The following FGF14 variants were observed in gnomAD, a reference collection of about 807,000 sequenced individuals.
The protein encoded by FGF14 is fibroblast growth factor 14, also known as fibroblast growth factor homologous factor 4.
Under a neutral mutation model 25.5 loss-of-function variants are expected in FGF14, and 5 were observed. The ratio of observed to expected loss-of-function variants is 0.20; its 90% CI spans 0.10 to 0.41. FGF14 has a LOEUF of 0.41. FGF14 is among the 10% of genes least tolerant of loss of function. FGF14 has a pLI of 1.00. For missense variants in FGF14, 222 were observed against 320.1 expected (o/e 0.69, Z 2.34); for synonymous variants, 138 against 118.3 (o/e 1.17, Z -1.08).
chr13:102,160,993 T>C (rs879919361), intron 1 of FGF14, among the ~76,000 whole-genome samples: 2 of 152,088 alleles, frequency 1.3e-5, no homozygotes, highest in Non-Finnish European at 2.9e-5. Flanking sequence ...GCATTTCTGC[T>C]TAGAGGATAT....
chr13:102,243,286 C>T (rs963378798), intron 1 of FGF14, among the ~76,000 whole-genome samples: 5 of 152,092 alleles, frequency 3.3e-5, no homozygotes, highest in African/African-American at 1.2e-4. Context: ...CTTTTACCAT[C>T]ACAAATACAG....
chr13:102,078,008 A>G (rs932593306), intron 1 of FGF14, among the ~76,000 whole-genome samples: 2 of 152,182 alleles, frequency 1.3e-5, no homozygotes, highest in African/African-American at 4.8e-5. Flanking sequence ...CCTGGAAGAC[A>G]TTTATAGTAA....
At chr13:102,207,987 T>A (rs566931481) in intron 1 of FGF14, among the ~76,000 whole-genome samples, 9 of 152,248 alleles carry the variant, frequency 5.9e-5, no homozygotes, top group African/African-American at 2.2e-4. Flanking sequence ...AGGAAAAAAA[T>A]GTGTTTTTCT....
intron 1 of FGF14, among the ~76,000 whole-genome samples, chr13:102,259,733 C>G (rs2052625011): frequency 6.6e-6 from 1 of 152,074 alleles, no homozygotes; most frequent in Non-Finnish European, 1.5e-5. Flanking sequence ...ACGAATGAAG[C>G]AGAGTTATAG....
intron 1 of FGF14, among the ~76,000 whole-genome samples, chr13:102,127,421 C>T (rs573050704): frequency 4.8e-4 from 73 of 152,208 alleles, no homozygotes; most frequent in African/African-American, 1.6e-3. Flanking sequence ...AAAGTGTACA[C>T]AACCACTAAG....
At chr13:102,350,031 T>C (rs9585895) in intron 1 of FGF14, among the ~76,000 whole-genome samples, 17,202 of 152,166 alleles carry the variant, frequency 0.11, 1,848 homozygotes, top group African/African-American at 0.28. Context: ...CAAGAGTGAA[T>C]ATGGACTATG....
intron 1 of FGF14, among the ~76,000 whole-genome samples, chr13:102,252,640 TA>T (rs2052237152): frequency 6.6e-6 from 1 of 152,252 alleles, no homozygotes; most frequent in Admixed American, 6.5e-5. Context: ...TTCTTATATG[TA>T]TTTTTATTGT....
intron 3 of FGF14, among the ~76,000 whole-genome samples, chr13:101,866,152 T>G (rs1345836174): frequency 2.0e-5 from 3 of 152,212 alleles, no homozygotes; most frequent in Non-Finnish European, 4.4e-5. Flanking sequence ...TAATTTTAAC[T>G]CAAAAATCTT....
chr13:101,885,368 A>G (rs949590179), intron 1 of FGF14, among the ~76,000 whole-genome samples: 1 of 152,176 alleles, frequency 6.6e-6, no homozygotes, highest in African/African-American at 2.4e-5. Context: ...AGGGAGGAAG[A>G]GAAAGAGGCG....
At chr13:102,014,384 C>G (rs538349082) in intron 1 of FGF14, among the ~76,000 whole-genome samples, 35 of 151,998 alleles carry the variant, frequency 2.3e-4, no homozygotes, top group Non-Finnish European at 4.6e-4. Flanking sequence ...TATAGATTGA[C>G]CAGAACCAGG....
intron 1 of FGF14, among the ~76,000 whole-genome samples, chr13:101,905,458 A>G (rs2032120482): frequency 6.6e-6 from 1 of 152,148 alleles, no homozygotes; most frequent in East Asian, 1.9e-4. Flanking sequence ...AAGAATAGAA[A>G]ACCAAACATC....
intron 1 of FGF14, among the ~76,000 whole-genome samples, chr13:102,240,161 A>C (rs1417606676): frequency 6.6e-6 from 1 of 152,190 alleles, no homozygotes; most frequent in African/African-American, 2.4e-5. Flanking sequence ...CATCATAGGG[A>C]GAAAATGCTT....
intron 1 of FGF14, among the ~76,000 whole-genome samples, chr13:102,282,904 C>T (rs1235154808): frequency 6.6e-6 from 1 of 150,924 alleles, no homozygotes; most frequent in African/African-American, 2.4e-5. Flanking sequence ...GTTTTCCAAA[C>T]CTTTTATTAA....
At position 102,320,081 on chromosome 13, in the gene FGF14, G is replaced by A. The variant is rs577163174; in HGVS notation, c.208+81390C>T. Reference sequence around the variant, plus strand: ...AATGCATGCATGTGCCTCTGTGTGCGTGTGTGTGCTCCCAAAGCAGCAGTT... The same window carrying A: ...AATGCATGCATGTGCCTCTGTGTGCATGTGTGTGCTCCCAAAGCAGCAGTT... On this transcript the variant is annotated intron_variant, in intron 1 of 4. Transcript: ENST00000376131. Among the ~76,000 whole-genome samples the A allele has an allele frequency of 2.4e-4, 37 of 152,060 alleles. 1 individual carries two copies. Among genetic ancestry groups the A allele is most frequent in the Middle Eastern group, 3.4e-3 (1 of 294 alleles).
intron 3 of FGF14, among the ~76,000 whole-genome samples, chr13:101,763,664 A>G (rs921798319): frequency 1.3e-5 from 2 of 152,158 alleles, no homozygotes; most frequent in Non-Finnish European, 2.9e-5. Context: ...GTTTGAGACC[A>G]GCCTGACCAA....
In FGF14 at chr13:101,874,599, G is replaced by C. The variant is rs1480899274; in HGVS notation, c.304+587C>G. Among the ~76,000 whole-genome samples the C allele has an allele frequency of 1.3e-5, 2 of 152,102 alleles. 1 individual carries two copies. Among genetic ancestry groups the C allele is most frequent in the East Asian group, 3.9e-4 (2 of 5,188 alleles). On this transcript the variant is annotated intron_variant, in intron 2 of 4. Transcript: ENST00000376143. ...AAAGAACACAGACATTTATACAGTG[G>C]AAGATGTGTAGCTTTTTAATTAAAA...
chr13:102,293,677 C>G (rs886145075), intron 1 of FGF14: 1 of 152,178 alleles, frequency 6.6e-6, no homozygotes, highest in East Asian at 1.9e-4. Flanking sequence ...TTCACTCTAT[C>G]TTCACAAACA....
intron 1 of FGF14, among the ~76,000 whole-genome samples, chr13:102,366,063 T>C (rs972869444): frequency 1.3e-5 from 2 of 152,176 alleles, no homozygotes; most frequent in Non-Finnish European, 2.9e-5. Context: ...TGGGCATCAA[T>C]GGTTAGTGAA....
At position 101,723,594 on chromosome 13, in the gene FGF14, T is replaced by A. The variant is rs547469042; in HGVS notation, c.608-627A>T. Among the ~76,000 whole-genome samples, 93 of 152,166 alleles carry A rather than the reference T, an allele frequency of 6.1e-4. 2 individuals carry two copies. The highest frequency in any genetic ancestry group is 2.1e-3 in the African/African-American group (86 of 41,526). ...TCCTACAATCATGGAAAAAGACCCT[T>A]GGGCAGCAGAAGGCAACTCATTTTC... On this transcript the variant is annotated intron_variant, in intron 4 of 4. Coordinates refer to ENST00000376143, the MANE Select transcript of FGF14 (RefSeq NM_004115.4).
Sources: gnomAD v4.1 joint callset for allele counts (sites outside exome capture counted in the v4.1 genomes callset) on GRCh38, gnomAD v4.1.1 for gene constraint, MANE v1.5 for transcripts, NCBI Gene and HGNC (gene_info 2026-07-23, HGNC 2026-07-21) for gene names.